The following PSME4 variants were observed in gnomAD, a reference collection of about 807,000 sequenced individuals.
The protein encoded by PSME4 is proteasome activator subunit 4.
PSME4 carries 89 observed loss-of-function variants against 253.9 expected under a neutral mutation model. The ratio of observed to expected loss-of-function variants is 0.35; its 90% CI spans 0.30 to 0.42. PSME4 has a LOEUF of 0.42. PSME4 is among the 10% of genes least tolerant of loss of function. The probability of loss-of-function intolerance (pLI) is 1.00; values close to 1 mark genes in which losing one functional copy is unlikely to be tolerated. For synonymous variants in PSME4, 851 were observed against 759.2 expected (o/e 1.12, Z -1.99); for missense variants, 2,014 against 2,195.2 (o/e 0.92, Z 1.65).
intron 26 of PSME4, among the ~76,000 whole-genome samples, chr2:53,905,136 C>T (rs805314): frequency 0.29 from 43,514 of 150,196 alleles, 6,720 homozygotes; most frequent in South Asian, 0.48. Context: ...GTTCAAGCAA[C>T]TCTCCTGCCT....
At chr2:53,882,658 G>T (rs1679446764) in intron 41 of PSME4, among the ~76,000 whole-genome samples, 1 of 152,132 alleles carries the variant, frequency 6.6e-6, no homozygotes, top group African/African-American at 2.4e-5. Context: ...CGCTGTTAAT[G>T]ACTCCACTCA....
At chr2:53,948,928 G>C (rs928472072) in intron 2 of PSME4, among the ~76,000 whole-genome samples, 3 of 152,134 alleles carry the variant, frequency 2.0e-5, no homozygotes, top group African/African-American at 7.2e-5. Flanking sequence ...AAGTTCAATG[G>C]GTGCTAGAGA....
chr2:53,892,680 A>T, intron 36 of PSME4, 128 bp downstream of exon 36: 1 of 798,458 alleles, frequency 1.3e-6, no homozygotes, highest in South Asian at 2.6e-5. Context: ...ATGTCTACAT[A>T]TCGGCATATT....
At chr2:53,915,316 C>A (rs1668007903) in intron 20 of PSME4, among the ~76,000 whole-genome samples, 1 of 152,112 alleles carries the variant, frequency 6.6e-6, no homozygotes, top group Non-Finnish European at 1.5e-5. Flanking sequence ...TGACCCACGC[C>A]TATAGTCCCA....
At chr2:53,952,748 A>G (rs549464698) in intron 1 of PSME4, among the ~76,000 whole-genome samples, 1 of 152,328 alleles carries the variant, frequency 6.6e-6, no homozygotes, top group East Asian at 1.9e-4. Flanking sequence ...ATGAGCTCCT[A>G]TGAGAATCTA....
chr2:53,910,890 T>C (rs1041167073), intron 20 of PSME4, among the ~76,000 whole-genome samples: 2 of 152,108 alleles, frequency 1.3e-5, no homozygotes, highest in Non-Finnish European at 2.9e-5. Flanking sequence ...CTTTTATTAA[T>C]CAAAGAGATA....
At chr2:53,940,518 T>A (rs1212746324) in intron 3 of PSME4, among the ~76,000 whole-genome samples, 2 of 152,126 alleles carry the variant, frequency 1.3e-5, no homozygotes, top group Non-Finnish European at 2.9e-5. Context: ...CAGATACTTA[T>A]AAAGTTAGTC....
At chr2:53,920,399 A>G (rs1405853600) in intron 18 of PSME4, 49 bp from the exon 19 acceptor site, 5 of 1,508,998 alleles carry the variant, frequency 3.3e-6, no homozygotes, top group Middle Eastern at 1.8e-4. Context: ...TAAAAACAAC[A>G]ACAACAAACC....
At chr2:53,947,105 T>C (rs892525850) in intron 3 of PSME4, among the ~76,000 whole-genome samples, 5 of 152,218 alleles carry the variant, frequency 3.3e-5, no homozygotes, top group African/African-American at 1.2e-4. Context: ...ACCACCTTAC[T>C]TGTGCAAAAC....
At position 53,931,702 on chromosome 2, in the gene PSME4, TCCTGC is replaced by T. The variant is rs1295181052; in HGVS notation, c.1316+128_1316+132del. 2.6e-4 allele frequency: 242 copies of T among 947,842 alleles called. 1 individual carries two copies. The South Asian group carries it at 4.4e-3, about 17-fold the overall frequency. 58.7% of individuals were successfully genotyped at this position (947,842 alleles called of 1,614,324 possible). On this transcript the variant is annotated intron_variant, in intron 10 of 46. Coordinates refer to ENST00000404125, the MANE Select transcript of PSME4 (RefSeq NM_014614.3). ...AGTTACCAATCATTACATTAAAATG[TCCTGC>T]TTCTCCTCTAGGAACAGGAATAAGC... is the stretch of plus-strand genomic sequence containing the variant.
chr2:53,925,946 G>T lies in PSME4; in HGVS notation c.1658+13C>A. The T allele has an allele frequency of 4.4e-6, 7 of 1,607,686 alleles. No individual in the cohort carries two copies. Among genetic ancestry groups the T allele is most frequent in the Non-Finnish European group, 6.0e-6 (7 of 1,174,362 alleles). On this transcript the variant is annotated intron_variant, in intron 13 of 46. Transcript: ENST00000404125. ...GAATTTCAGCTAAACGTTGGTGTGGGTTACAAGCTCACCTGTCCATAAACT... is the reference window on the plus strand; with the variant it reads ...GAATTTCAGCTAAACGTTGGTGTGGTTTACAAGCTCACCTGTCCATAAACT...
At chr2:53,908,720 T>C in intron 22 of PSME4, 64 bp downstream of exon 22, 2 of 1,463,718 alleles carry the variant, frequency 1.4e-6, no homozygotes, top group Non-Finnish European at 1.9e-6. Flanking sequence ...ATGCATGTTA[T>C]AGATTAAAAT....
At chr2:53,913,746 T>C (rs1225765762) in intron 20 of PSME4, among the ~76,000 whole-genome samples, 2 of 152,222 alleles carry the variant, frequency 1.3e-5, no homozygotes, top group Admixed American at 6.5e-5. Context: ...AAGAGAAATC[T>C]TATATGTTGC....
intron 1 of PSME4, among the ~76,000 whole-genome samples, chr2:53,951,626 C>A (rs1670002183): frequency 6.6e-6 from 1 of 152,128 alleles, no homozygotes; most frequent in East Asian, 1.9e-4. Flanking sequence ...AGGTTGAATA[C>A]CTTTAATCCG....
chr2:53,970,540 T>A lies in PSME4; in HGVS notation c.242+3A>T. On this transcript the variant is annotated splice_donor_region_variant and intron_variant, in intron 1 of 46. Coordinates refer to ENST00000404125, the MANE Select transcript of PSME4 (RefSeq NM_014614.3). ...CCCGGCCCGCAGGCCCGGGCACACT[T>A]ACGTGGAGAGTTTCCTGGTCCAGAA... 6.5e-7 allele frequency: 1 copy of A among 1,547,712 alleles called. No individual in the cohort carries two copies. Among genetic ancestry groups the A allele is most frequent in the Non-Finnish European group, 8.7e-7 (1 of 1,146,742 alleles).
intron 1 of PSME4, among the ~76,000 whole-genome samples, chr2:53,957,114 C>T (rs986137365): frequency 6.6e-6 from 1 of 152,142 alleles, no homozygotes; most frequent in African/African-American, 2.4e-5. Context: ...CCCTGCCACT[C>T]CTACAGGCAC....
chr2:53,889,984 A>T (rs756236767), intron 37 of PSME4, 120 bp downstream of exon 37: 64 of 783,830 alleles, frequency 8.2e-5, no homozygotes, highest in Non-Finnish European at 1.3e-4. Context: ...AAATAAAAAC[A>T]ATTAAAAAAC....
intron 41 of PSME4, 82 bp downstream of exon 41, chr2:53,885,608 G>A: frequency 3.0e-6 from 3 of 1,004,718 alleles, no homozygotes; most frequent in Non-Finnish European, 4.6e-6. Context: ...ACTGTCTGAA[G>A]AACTTCAACC....
At chr2:53,948,625 A>G (rs1251885742) in intron 2 of PSME4, 88 bp from the exon 3 acceptor site, 1 of 831,270 alleles carries the variant, frequency 1.2e-6, no homozygotes, top group Admixed American at 1.9e-5. Flanking sequence ...ACAGTTAAAC[A>G]TTGCTGCTCA....
Sources: allele counts gnomAD v4.1 joint callset (sites outside exome capture counted in the v4.1 genomes callset), GRCh38; gene constraint gnomAD v4.1.1; transcripts MANE v1.5; gene names NCBI Gene and HGNC (gene_info 2026-07-23, HGNC 2026-07-21).